The following CNTNAP2 variants were observed in gnomAD, a reference collection of about 807,000 sequenced individuals.
CNTNAP2 encodes the protein contactin associated protein 2.
A neutral mutation model predicts 155.2 loss-of-function variants in CNTNAP2; 98 were observed. That is an observed-to-expected ratio of 0.63 (90% confidence interval 0.54 to 0.75). CNTNAP2 has a LOEUF of 0.75. Ranked by LOEUF, CNTNAP2 falls within the 30% of genes least tolerant of loss-of-function variation. The probability of loss-of-function intolerance (pLI) is 0.00; values close to 1 mark genes in which losing one functional copy is unlikely to be tolerated. For synonymous variants in CNTNAP2, 651 were observed against 631.2 expected, an observed-to-expected ratio of 1.03 and a Z score of -0.47; for missense variants, 1,727 against 1,688.1, an observed-to-expected ratio of 1.02 and a Z score of -0.40.
At chr7:146,655,963 G>C (rs1220908966) in intron 1 of CNTNAP2, among the ~76,000 whole-genome samples, 1 of 152,136 alleles carries the variant, frequency 6.6e-6, no homozygotes, top group Non-Finnish European at 1.5e-5. Context: ...GGTTTTGTTT[G>C]GGTGATTTCC....
intron 9 of CNTNAP2, among the ~76,000 whole-genome samples, chr7:147,380,334 A>G (rs2116930682): frequency 6.6e-6 from 1 of 152,214 alleles, no homozygotes; most frequent in Non-Finnish European, 1.5e-5. Context: ...AGCATTCTGC[A>G]TTTACATTCT....
chr7:146,551,307 G>T (rs1798118030), intron 1 of CNTNAP2, among the ~76,000 whole-genome samples: 1 of 151,834 alleles, frequency 6.6e-6, no homozygotes, highest in African/African-American at 2.4e-5. Context: ...CCCCACAACA[G>T]GCCCCAGTGT....
intron 8 of CNTNAP2, among the ~76,000 whole-genome samples, chr7:147,178,427 C>A (rs1802390865): frequency 6.6e-6 from 1 of 152,180 alleles, no homozygotes; most frequent in South Asian, 2.1e-4. Context: ...GGAATGTAGT[C>A]CTGCCAACAC....
At chr7:147,949,948 G>A (rs1440050453) in intron 14 of CNTNAP2, among the ~76,000 whole-genome samples, 2 of 152,150 alleles carry the variant, frequency 1.3e-5, no homozygotes, top group Non-Finnish European at 2.9e-5. Flanking sequence ...AAGAAAAGCA[G>A]CATTTACTTC....
intron 15 of CNTNAP2, among the ~76,000 whole-genome samples, chr7:148,112,250 A>G (rs1332233420): frequency 2.0e-5 from 3 of 152,172 alleles, no homozygotes; most frequent in Admixed American, 2.0e-4. Flanking sequence ...TAAAGAAACT[A>G]AATACAAGAA....
At chr7:146,163,534 T>C (rs1798261620) in intron 1 of CNTNAP2, among the ~76,000 whole-genome samples, 1 of 146,454 alleles carries the variant, frequency 6.8e-6, no homozygotes, top group Non-Finnish European at 1.5e-5. Flanking sequence ...TATCTATATA[T>C]ATCTATATCT....
chr7:147,602,411 C>T (rs1563016991), intron 12 of CNTNAP2, among the ~76,000 whole-genome samples: 1 of 149,506 alleles, frequency 6.7e-6, no homozygotes, highest in Non-Finnish European at 1.5e-5. Flanking sequence ...CCAATATATC[C>T]AAAATATTAC....
chr7:148,266,884 T>C (rs1013244012), intron 20 of CNTNAP2, 149 bp from the exon 21 acceptor site: 1 of 751,338 alleles, frequency 1.3e-6, no homozygotes, highest in Admixed American at 2.1e-5. Flanking sequence ...GTTTCCATTT[T>C]CTCGGGGTGG....
intron 11 of CNTNAP2, among the ~76,000 whole-genome samples, chr7:147,512,717 C>A (rs1799043409): frequency 6.6e-6 from 1 of 152,152 alleles, no homozygotes; most frequent in South Asian, 2.1e-4. Context: ...CTGTAAAACT[C>A]AAATATGCGT....
intron 13 of CNTNAP2, among the ~76,000 whole-genome samples, chr7:147,697,686 G>T (rs767085618): frequency 2.0e-5 from 3 of 152,148 alleles, no homozygotes; most frequent in African/African-American, 4.8e-5. Flanking sequence ...AGGGTGACTG[G>T]AGGAGACCAC....
chr7:147,436,532 T>C (rs1438712971), intron 10 of CNTNAP2, among the ~76,000 whole-genome samples: 1 of 152,108 alleles, frequency 6.6e-6, no homozygotes, highest in Non-Finnish European at 1.5e-5. Context: ...AAACTCAGAA[T>C]ACACCTGGTC....
chr7:148,104,350 T>C (rs961331955), intron 15 of CNTNAP2, among the ~76,000 whole-genome samples: 5 of 152,210 alleles, frequency 3.3e-5, no homozygotes, highest in African/African-American at 1.2e-4. Flanking sequence ...CAGTTTCACA[T>C]CCGTCATTCT....
intron 13 of CNTNAP2, among the ~76,000 whole-genome samples, chr7:147,827,238 AGTTTTCTCT>A (rs934151369): frequency 4.6e-5 from 7 of 152,120 alleles, no homozygotes; most frequent in Admixed American, 2.6e-4. Context: ...CTAGGCCAAA[AGTTTTCTCT>A]GTTTGCCCCA....
chr7:146,134,219 G>A (rs1227292202), intron 1 of CNTNAP2, among the ~76,000 whole-genome samples: 1 of 151,590 alleles, frequency 6.6e-6, no homozygotes, highest in African/African-American at 2.4e-5. Context: ...TTTGTCTGTT[G>A]TTGGTGTATA....
At chr7:147,965,588 A>G (rs1316320259) in intron 14 of CNTNAP2, among the ~76,000 whole-genome samples, 1 of 151,784 alleles carries the variant, frequency 6.6e-6, no homozygotes, top group African/African-American at 2.4e-5. Flanking sequence ...GCAATATTTA[A>G]CATAATATAC....
intron 12 of CNTNAP2, among the ~76,000 whole-genome samples, chr7:147,575,738 T>A (rs969896459): frequency 2.6e-5 from 4 of 152,048 alleles, no homozygotes; most frequent in Non-Finnish European, 4.4e-5. Flanking sequence ...CAAATTTTAA[T>A]GTAAATTAAT....
At chr7:147,499,490 C>T (rs1447706271) in intron 11 of CNTNAP2, among the ~76,000 whole-genome samples, 2 of 152,076 alleles carry the variant, frequency 1.3e-5, no homozygotes, top group Non-Finnish European at 2.9e-5. Context: ...GATAGTGCCA[C>T]CGCACTCCAG....
At chr7:147,415,244 GC>G (rs1797172909) in intron 10 of CNTNAP2, among the ~76,000 whole-genome samples, 1 of 152,104 alleles carries the variant, frequency 6.6e-6, no homozygotes, top group Admixed American at 6.5e-5. Context: ...GTGCTGCCCT[GC>G]CTTCCACTTA....
chr7:147,093,072 C>A (rs1397900745), intron 4 of CNTNAP2, among the ~76,000 whole-genome samples: 3 of 144,660 alleles, frequency 2.1e-5, no homozygotes, highest in Non-Finnish European at 3.0e-5. Context: ...AATACAAATA[C>A]ATATATATAT....
Sources: allele counts gnomAD v4.1 joint callset (sites outside exome capture counted in the v4.1 genomes callset), GRCh38; gene constraint gnomAD v4.1.1; transcripts MANE v1.5; gene names NCBI Gene and HGNC (gene_info 2026-07-23, HGNC 2026-07-21).